Variants in SORCS2 observed in about 807,000 individuals in gnomAD.
SORCS2 encodes sortilin related VPS10 domain containing receptor 2, also known as VPS10 domain-containing receptor SorCS2.
Under a neutral mutation model 141.6 loss-of-function variants are expected in SORCS2, and 100 were observed. That is an observed-to-expected ratio of 0.71 (90% CI 0.60 to 0.83). SORCS2 has a LOEUF of 0.83. Among genes scored for constraint, SORCS2 ranks in the 40% least tolerant of loss-of-function variants. SORCS2 has a pLI of 0.00. For synonymous variants in SORCS2, 789 were observed against 676.9 expected (o/e 1.17, Z -2.57); for missense variants, 1,646 against 1,560.2 (o/e 1.05, Z -0.93).
chr4:7,680,104 T>A (rs1302530696), intron 9 of SORCS2, among the ~76,000 whole-genome samples: 1 of 152,214 alleles, frequency 6.6e-6, no homozygotes, highest in African/African-American at 2.4e-5. Flanking sequence ...TCTATGAGCT[T>A]GTAAGACACA....
intron 2 of SORCS2, among the ~76,000 whole-genome samples, chr4:7,486,823 A>T (rs1731019477): frequency 2.6e-5 from 4 of 152,152 alleles, no homozygotes; most frequent in Admixed American, 2.6e-4. Context: ...GTGAGGACAC[A>T]TGTGCTTGGA....
intron 1 of SORCS2, among the ~76,000 whole-genome samples, chr4:7,357,421 C>T (rs1053336013): frequency 2.0e-5 from 3 of 152,166 alleles, no homozygotes; most frequent in African/African-American, 2.4e-5. Flanking sequence ...AGACTGGGAA[C>T]GTTGGCCTAC....
chr4:7,663,587 G>T lies in SORCS2; in HGVS notation c.953-766G>T, dbSNP rs755864507. Reference sequence around the variant, plus strand: ...TGCCTCCTCTGAACAGACCGGGCAGGTGGGCCCACCCCATTGTTCAGTGCA... The same window carrying T: ...TGCCTCCTCTGAACAGACCGGGCAGTTGGGCCCACCCCATTGTTCAGTGCA... On this transcript the variant is annotated intron_variant, in intron 6 of 26. Transcript: ENST00000507866. The surrounding 1 kb of genome is among the most constrained non-coding windows in gnomAD (Gnocchi z 4.8). Among the ~76,000 whole-genome samples the T allele has an allele frequency of 2.5e-4, 38 of 152,228 alleles. No individual in the cohort carries two copies. Among genetic ancestry groups the T allele is most frequent in the Non-Finnish European group, 5.0e-4 (34 of 68,034 alleles).
chr4:7,634,154 A>G (rs1720076290), intron 3 of SORCS2, among the ~76,000 whole-genome samples: 1 of 151,524 alleles, frequency 6.6e-6, no homozygotes, highest in Non-Finnish European at 1.5e-5. Flanking sequence ...CGGTTGGATC[A>G]CCTGAGGTCA....
intron 19 of SORCS2, among the ~76,000 whole-genome samples, chr4:7,724,901 G>GTGATGGTGGTGGTGA (rs1727069076): frequency 1.3e-5 from 1 of 76,874 alleles, no homozygotes; most frequent in African/African-American, 5.0e-5. Flanking sequence ...GGTGATGGTG[G>GTGATGGTGGTGGTGA]TGATAGTATT....
rs753548897 is a variant in SORCS2 at position 7,360,571 on chromosome 4, CTT to C, written c.481-35693_481-35692del. On this transcript the variant is annotated intron_variant, in intron 1 of 26. Coordinates refer to ENST00000507866, the MANE Select transcript of SORCS2 (RefSeq NM_020777.3). The stretch of plus-strand genomic sequence containing the variant: ...TCCCTAAATACCCTCCCAGTCCCTT[CTT>C]TTTTTTTTTTTTTTTTTTTTTTTGA... Among the ~76,000 whole-genome samples the C allele has an allele frequency of 9.3e-4, 46 of 49,274 alleles. 1 individual carries two copies. Among genetic ancestry groups the C allele is most frequent in the African/African-American group, 3.8e-3 (39 of 10,240 alleles). The allele number at this position is 49,274 out of a possible 152,430, so 32.3% of individuals were successfully genotyped here. A position where few individuals can be genotyped will look rare whatever the true frequency, so the allele number is the denominator to read the frequency against.
intron 12 of SORCS2, among the ~76,000 whole-genome samples, chr4:7,700,435 G>C (rs928837790): frequency 1.3e-5 from 2 of 152,148 alleles, no homozygotes; most frequent in African/African-American, 2.4e-5. Flanking sequence ...GGCCAGGCCT[G>C]CATCTATGCT....
intron 26 of SORCS2, 25 bp from the exon 27 acceptor site, chr4:7,740,175 G>A (rs992531613): frequency 6.3e-7 from 1 of 1,597,380 alleles, no homozygotes; most frequent in African/African-American, 1.3e-5. Context: ...GTGCTCACGG[G>A]ACCTGCGTCT....
intron 2 of SORCS2, among the ~76,000 whole-genome samples, chr4:7,496,458 G>GTCCCCCGTCCCCCGTCCCCCA (rs1731630973): frequency 3.0e-5 from 1 of 33,396 alleles, no homozygotes; most frequent in Non-Finnish European, 5.8e-5. Flanking sequence ...CCCGTTCCCC[G>GTCCCCCGTCCCCCGTCCCCCA]TCCCCCGTCC....
At chr4:7,631,579 C>A (rs187976307) in intron 3 of SORCS2, among the ~76,000 whole-genome samples, 2 of 152,132 alleles carry the variant, frequency 1.3e-5, no homozygotes, top group Non-Finnish European at 2.9e-5. Flanking sequence ...CCTCTCTGCT[C>A]GGGGCTGCCC....
chr4:7,374,342 C>T (rs900635081), intron 1 of SORCS2, among the ~76,000 whole-genome samples: 4 of 152,084 alleles, frequency 2.6e-5, no homozygotes, highest in Non-Finnish European at 5.9e-5. Flanking sequence ...GCTCCTCCCC[C>T]ATGTGAGAGA....
intron 1 of SORCS2, among the ~76,000 whole-genome samples, chr4:7,240,775 C>A (rs1219050182): frequency 6.6e-6 from 1 of 152,206 alleles, no homozygotes; most frequent in African/African-American, 2.4e-5. Context: ...GTAAGAGCAA[C>A]TGCCCGCTGT....
chr4:7,519,820 G>A (rs949588584), intron 2 of SORCS2, among the ~76,000 whole-genome samples: 2 of 152,116 alleles, frequency 1.3e-5, no homozygotes, highest in Non-Finnish European at 2.9e-5. Flanking sequence ...GGCGCACATG[G>A]GGGCTTCTGC....
chr4:7,640,463 CGT>C (rs543187878), intron 4 of SORCS2, among the ~76,000 whole-genome samples: 16,059 of 100,912 alleles, frequency 0.16, 1,028 homozygotes, highest in Non-Finnish European at 0.2. Context: ...TGTGTATGAG[CGT>C]GTGTGTGTGT....
intron 3 of SORCS2, among the ~76,000 whole-genome samples, chr4:7,542,949 C>T (rs1253461437): frequency 2.6e-5 from 4 of 152,228 alleles, no homozygotes; most frequent in Admixed American, 1.3e-4. Flanking sequence ...CACTCACCGG[C>T]CCAGTGACCC....
intron 1 of SORCS2, among the ~76,000 whole-genome samples, chr4:7,332,119 G>T (rs1163373084): frequency 6.6e-6 from 1 of 152,208 alleles, no homozygotes; most frequent in Admixed American, 6.5e-5. Flanking sequence ...TGTGTGCCTG[G>T]CATTTCCTTT....
chr4:7,628,621 C>G (rs1252225318), intron 3 of SORCS2, among the ~76,000 whole-genome samples: 1 of 152,010 alleles, frequency 6.6e-6, no homozygotes, highest in Non-Finnish European at 1.5e-5. Context: ...CCAGGTAGGG[C>G]TTGGGATCTA....
chr4:7,294,687 CCCCTCA>C (rs1716847532), intron 1 of SORCS2, among the ~76,000 whole-genome samples: 1 of 130,882 alleles, frequency 7.6e-6, no homozygotes, highest in Non-Finnish European at 1.7e-5. Flanking sequence ...CCTCCTCCTC[CCCCTCA>C]TCCTCTCCCT....
intron 1 of SORCS2, among the ~76,000 whole-genome samples, chr4:7,366,805 C>T (rs1721928422): frequency 6.6e-6 from 1 of 152,178 alleles, no homozygotes; most frequent in Non-Finnish European, 1.5e-5. Flanking sequence ...GGGACCTGCC[C>T]ACTTCCTCCT....
Sources: gnomAD v4.1 joint callset for allele counts (sites outside exome capture counted in the v4.1 genomes callset) on GRCh38, gnomAD v4.1.1 for gene constraint, Gnocchi (gnomAD v3.1) non-coding constraint, MANE v1.5 for transcripts, NCBI Gene and HGNC (gene_info 2026-07-23, HGNC 2026-07-21) for gene names.